FTO: variants seen among roughly 807,000 people sequenced by gnomAD.
FTO encodes the protein alpha-ketoglutarate-dependent dioxygenase FTO.
Under a neutral mutation model 63.9 loss-of-function variants are expected in FTO, and 47 were observed. The ratio of observed to expected loss-of-function variants is 0.74; its 90% CI spans 0.58 to 0.94. FTO has a LOEUF of 0.94. FTO is among the 40% of genes least tolerant of loss of function. The probability of loss-of-function intolerance (pLI) is 0.00; values close to 1 mark genes in which losing one functional copy is unlikely to be tolerated. For synonymous variants in FTO, 207 were observed against 224.4 expected (o/e 0.92, Z 0.69); for missense variants, 562 against 618.1 (o/e 0.91, Z 0.96).
intron 2 of FTO, 136 bp downstream of exon 2, chr16:53,810,353 C>T: frequency 1.5e-6 from 1 of 681,332 alleles, no homozygotes; most frequent in Admixed American, 2.3e-5. Context: ...CTTCTCATGG[C>T]CTACAGAGCA....
chr16:53,789,200 A>G (rs560899450), intron 1 of FTO, among the ~76,000 whole-genome samples: 1 of 152,190 alleles, frequency 6.6e-6, no homozygotes, highest in African/African-American at 2.4e-5. Flanking sequence ...CTAATATAAT[A>G]ACAGAGCTCT....
chr16:54,060,827 A>T (rs1378856519), intron 8 of FTO, among the ~76,000 whole-genome samples: 2 of 152,172 alleles, frequency 1.3e-5, no homozygotes, highest in African/African-American at 4.8e-5. Context: ...GCTGCTATTC[A>T]TATTTACTTT....
rs201212733 is a variant in FTO, at chr16:53,908,933, C to T, written c.1239+19982C>T. Among the ~76,000 whole-genome samples the T allele has an allele frequency of 4.6e-5, 7 of 152,276 alleles. No homozygotes were observed. In the East Asian group the frequency reaches 1.2e-3, roughly 25 times the overall value. On this transcript the variant is annotated intron_variant, in intron 7 of 8. Transcript: ENST00000471389. ...TATTATAGCCTTCTGTGTTTATAAA[C>T]ATGTCTTGAGCATGAGGGAGAAATG...
intron 8 of FTO, among the ~76,000 whole-genome samples, chr16:54,006,753 C>T (rs940578058): frequency 5.7e-4 from 86 of 152,198 alleles, no homozygotes; most frequent in African/African-American, 1.8e-3. Flanking sequence ...GCTCCAAGCC[C>T]GCTGTTTGGG....
intron 1 of FTO, among the ~76,000 whole-genome samples, chr16:53,716,833 GATAA>G (rs1405962345): frequency 6.6e-6 from 1 of 150,934 alleles, no homozygotes; most frequent in Non-Finnish European, 1.5e-5. Flanking sequence ...ACTCTTCAGA[GATAA>G]ATACTGTTAC....
chr16:54,119,142 A>G lies in FTO; in HGVS notation c.*7227A>G, dbSNP rs1254030144. ...TTTTCAGACTCCATGCACCCTGTGG[A>G]AACTGCCTTTCTTGAGTAGAGGTAC... On this transcript the variant is annotated 3_prime_UTR_variant, in exon 9 of 9. Transcript: ENST00000471389. 2 of 152,196 alleles carry G rather than the reference A, an allele frequency of 1.3e-5. No homozygotes were observed. Among genetic ancestry groups the G allele is most frequent in the Non-Finnish European group, 2.9e-5 (2 of 68,050 alleles). 9.4% of individuals were successfully genotyped at this position (152,196 alleles called of 1,614,324 possible).
chr16:53,924,266 C>T (rs2082084328), intron 7 of FTO, among the ~76,000 whole-genome samples: 1 of 152,180 alleles, frequency 6.6e-6, no homozygotes, highest in Non-Finnish European at 1.5e-5. Context: ...ACTTATACCC[C>T]TTTATGGATG....
chr16:53,778,550 T>A (rs938728826), intron 1 of FTO, among the ~76,000 whole-genome samples: 1 of 152,202 alleles, frequency 6.6e-6, no homozygotes, highest in African/African-American at 2.4e-5. Context: ...ATAGTATTGA[T>A]CTTGTGGAAC....
At chr16:53,918,380 A>T (rs2081933155) in intron 7 of FTO, among the ~76,000 whole-genome samples, 1 of 152,230 alleles carries the variant, frequency 6.6e-6, no homozygotes, top group Non-Finnish European at 1.5e-5. Context: ...TGACACAATG[A>T]TAAGTATTTG....
intron 1 of FTO, among the ~76,000 whole-genome samples, chr16:53,747,202 G>C (rs1202146623): frequency 1.3e-5 from 2 of 152,144 alleles, no homozygotes. Context: ...CCAATTTCAA[G>C]TATCCTGGGT....
chr16:53,925,467 A>AT (rs550381268), intron 7 of FTO, among the ~76,000 whole-genome samples: 5 of 149,330 alleles, frequency 3.3e-5, no homozygotes, highest in East Asian at 2.0e-4. Flanking sequence ...ACAGTAGTAG[A>AT]TTTTTTTTTT....
intron 8 of FTO, among the ~76,000 whole-genome samples, chr16:53,983,248 T>C (rs1941929708): frequency 6.6e-6 from 1 of 152,082 alleles, no homozygotes; most frequent in South Asian, 2.1e-4. Flanking sequence ...ACAAACTTAA[T>C]TTTGGAGGAA....
intron 3 of FTO, among the ~76,000 whole-genome samples, chr16:53,835,933 C>G (rs1321984141): frequency 6.7e-6 from 1 of 150,362 alleles, no homozygotes; most frequent in East Asian, 1.9e-4. Flanking sequence ...TCTTGTCACC[C>G]AGGCTGGTGT....
intron 8 of FTO, among the ~76,000 whole-genome samples, chr16:54,081,497 T>G (rs923092545): frequency 6.6e-6 from 1 of 152,194 alleles, no homozygotes; most frequent in Non-Finnish European, 1.5e-5. Flanking sequence ...TCTCCCACTG[T>G]CTTCCACTTA....
At chr16:53,790,579 C>CAAAAAAAAAAAAAAAAAAAAAAGAAA (rs34860208) in intron 1 of FTO, among the ~76,000 whole-genome samples, 1 of 55,224 alleles carries the variant, frequency 1.8e-5, no homozygotes, top group Non-Finnish European at 3.2e-5. Context: ...CAAAATAAAG[C>CAAAAAAAAAAAAAAAAAAAAAAGAAA]AAAAAAAAAA....
chr16:53,824,834 G>C (rs1222368449), intron 2 of FTO, among the ~76,000 whole-genome samples: 1 of 152,178 alleles, frequency 6.6e-6, no homozygotes, highest in Admixed American at 6.5e-5. Context: ...GTAAAATCCT[G>C]TGATTTGGTT....
intron 7 of FTO, among the ~76,000 whole-genome samples, chr16:53,905,592 A>T (rs2081516230): frequency 1.3e-5 from 2 of 152,080 alleles, no homozygotes; most frequent in Admixed American, 1.3e-4. Flanking sequence ...CATGCTTTCC[A>T]TTCAGTTCTC....
chr16:53,727,269 C>T (rs1598500683), intron 1 of FTO, among the ~76,000 whole-genome samples: 1 of 152,320 alleles, frequency 6.6e-6, no homozygotes, highest in East Asian at 1.9e-4. Context: ...TATCAGCTTT[C>T]AGCTGTTAGT....
At chr16:53,957,031 T>C (rs1294472204) in intron 8 of FTO, among the ~76,000 whole-genome samples, 1 of 152,198 alleles carries the variant, frequency 6.6e-6, no homozygotes, top group Non-Finnish European at 1.5e-5. Context: ...AGATGTTTGC[T>C]TCAGGGATCC....
Sources: gnomAD v4.1 joint callset for allele counts (sites outside exome capture counted in the v4.1 genomes callset) on GRCh38, gnomAD v4.1.1 for gene constraint, MANE v1.5 for transcripts, NCBI Gene and HGNC (gene_info 2026-07-23, HGNC 2026-07-21) for gene names.